Variants in BTBD8 observed in about 807,000 individuals in gnomAD.
BTBD8 encodes the protein BTB/POZ domain-containing protein 8.
A neutral mutation model predicts 162.9 loss-of-function variants in BTBD8; 110 were observed. The observed-to-expected ratio is 0.68, with a 90% CI of 0.58 to 0.79. The LOEUF (loss-of-function observed/expected upper bound fraction) is 0.79. BTBD8 is among the 30% of genes least tolerant of loss of function. The pLI, the probability that BTBD8 is intolerant of heterozygous loss-of-function variation, is 0.00. For synonymous variants in BTBD8, 667 were observed against 716.1 expected (o/e 0.93, Z 1.10); for missense variants, 1,905 against 2,085.4 (o/e 0.91, Z 1.68).
At chr1:92,143,342 G>A (rs1192305419) in intron 7 of BTBD8, among the ~76,000 whole-genome samples, 1 of 151,402 alleles carries the variant, frequency 6.6e-6, no homozygotes, top group Non-Finnish European at 1.5e-5. Context: ...GAGTATATGT[G>A]GGTTTTATGC....
rs562077458 is a variant in BTBD8, at chr1:92,096,085, C to T, written c.348-6388C>T. ...CTCCAAGGCTTACGCAATTCTTGTG[C>T]CTCAGTCTCACAAGTAGCTGGGATT... On this transcript the variant is annotated intron_variant, in intron 2 of 17. Transcript: ENST00000636805. Among the ~76,000 whole-genome samples, 87 of 152,104 alleles carry T rather than the reference C, an allele frequency of 5.7e-4. 1 individual carries two copies. Among genetic ancestry groups the T allele is most frequent in the African/African-American group, 2.0e-3 (85 of 41,494 alleles).
At chr1:92,134,779 G>T (rs1420101897) in intron 5 of BTBD8, among the ~76,000 whole-genome samples, 2 of 152,066 alleles carry the variant, frequency 1.3e-5, no homozygotes, top group African/African-American at 4.8e-5. Context: ...ATGAGTGAAT[G>T]AATGGAGTCT....
chr1:92,182,703 T>G, intron 17 of BTBD8, 108 bp downstream of exon 17: 1 of 592,010 alleles, frequency 1.7e-6, no homozygotes, highest in Non-Finnish European at 2.7e-6. Context: ...GAATAATTAC[T>G]TAAGCAACAG....
chr1:92,124,800 A>G (rs1238711079), intron 4 of BTBD8, among the ~76,000 whole-genome samples: 1 of 152,234 alleles, frequency 6.6e-6, no homozygotes, highest in Non-Finnish European at 1.5e-5. Context: ...TGGTAATTCA[A>G]AAGAAAATAT....
intron 12 of BTBD8, 56 bp from the exon 13 acceptor site, chr1:92,171,343 C>G: frequency 7.7e-7 from 1 of 1,299,516 alleles, no homozygotes; most frequent in South Asian, 1.4e-5. Flanking sequence ...TTTTCCTTTA[C>G]TTCTAAGGTA....
At chr1:92,115,027 C>T (rs1225689224) in intron 4 of BTBD8, 1 of 345,958 alleles carries the variant, frequency 2.9e-6, no homozygotes, top group Admixed American at 3.7e-5. Context: ...TGCTTTACCA[C>T]CTTGATGTCA....
intron 3 of BTBD8, among the ~76,000 whole-genome samples, chr1:92,105,019 G>A (rs891432728): frequency 4.6e-5 from 7 of 150,664 alleles, no homozygotes; most frequent in East Asian, 3.9e-4. Context: ...TGCAACCTCC[G>A]CCTCCCGGGT....
At chr1:92,175,013 G>T (rs1283717276) in intron 13 of BTBD8, among the ~76,000 whole-genome samples, 1 of 152,044 alleles carries the variant, frequency 6.6e-6, no homozygotes, top group African/African-American at 2.4e-5. Context: ...TGCAATATAT[G>T]CCCAGCATTA....
intron 11 of BTBD8, 65 bp downstream of exon 11, chr1:92,168,050 T>C (rs1441218425): frequency 2.1e-6 from 3 of 1,417,088 alleles, no homozygotes; most frequent in Non-Finnish European, 2.9e-6. Flanking sequence ...TAGATGTATG[T>C]GCATTTTAAA....
In BTBD8 at chr1:92,080,450, T is replaced by C. The variant is rs2101885975; in HGVS notation, c.-122T>C. 7.0e-7 allele frequency: 1 copy of C among 1,432,386 alleles called. No individual in the cohort carries two copies. Among genetic ancestry groups the C allele is most frequent in the Non-Finnish European group, 9.3e-7 (1 of 1,073,248 alleles). 88.7% of individuals were successfully genotyped at this position (1,432,386 alleles called of 1,614,324 possible). A position where few individuals can be genotyped will look rare whatever the true frequency, so the allele number is the denominator to read the frequency against. On this transcript the variant is annotated 5_prime_UTR_variant, in exon 1 of 18. Coordinates refer to ENST00000636805, the MANE Select transcript of BTBD8 (RefSeq NM_001376131.1). The stretch of plus-strand genomic sequence containing the variant: ...AAACCGACGAGAGGCGTCAACCTTT[T>C]ACCCTAGGGGGCGGATTTGGGTAGG...
chr1:92,158,341 T>C (rs969535388), intron 9 of BTBD8, among the ~76,000 whole-genome samples: 1 of 145,738 alleles, frequency 6.9e-6, no homozygotes, highest in African/African-American at 2.6e-5. Context: ...CTTTGTGCTT[T>C]ATTTTCTTAA....
At chr1:92,083,144 A>AG (rs1648067099) in intron 1 of BTBD8, among the ~76,000 whole-genome samples, 1 of 152,064 alleles carries the variant, frequency 6.6e-6, no homozygotes, top group African/African-American at 2.4e-5. Context: ...TCAAAAAAAA[A>AG]AAAAAAAAGT....
chr1:92,159,168 T>G (rs1650230962), intron 9 of BTBD8, among the ~76,000 whole-genome samples: 1 of 150,858 alleles, frequency 6.6e-6, no homozygotes, highest in South Asian at 2.1e-4. Context: ...TTTTCTTTCT[T>G]TCTTTCTTTT....
chr1:92,153,561 A>G (rs1650094532), intron 9 of BTBD8, among the ~76,000 whole-genome samples: 1 of 152,162 alleles, frequency 6.6e-6, no homozygotes, highest in Admixed American at 6.5e-5. Flanking sequence ...CCACCATTCC[A>G]TTCTCTGATT....
rs890015151 is a variant in BTBD8 at position 92,184,307 on chromosome 1, C to T, written c.5356C>T (p.Leu1786=). 1.3e-6 allele frequency: 2 copies of T among 1,548,900 alleles called. No individual in the cohort carries two copies. Among genetic ancestry groups the T allele is most frequent in the Non-Finnish European group, 1.7e-6 (2 of 1,145,528 alleles). Residue 1786 remains leucine (L), a synonymous_variant, in exon 18 of 18, where the codon CTG becomes TTG. Coordinates refer to ENST00000636805, the MANE Select transcript of BTBD8 (RefSeq NM_001376131.1). Reference sequence around the variant, plus strand: ...TTCGCCTCAAGGCGAGTGGACAATTCTGGAACTGGAAACTCAGCATTAAGT... The same window carrying T: ...TTCGCCTCAAGGCGAGTGGACAATTTTGGAACTGGAAACTCAGCATTAAGT... ...DCSPQGEWTI[L]ELETQH is the part of the protein sequence containing the mutation.
In BTBD8 at chr1:92,182,487, T is replaced by C. The variant is rs747827379; in HGVS notation, c.4804T>C (p.Ser1602Pro). Reference sequence around the variant, plus strand: ...CAATTCTGACATACCAAAGAACAGCTCTACAAAATCTCTAGACTCCTTTCG... The same window carrying C: ...CAATTCTGACATACCAAAGAACAGCCCTACAAAATCTCTAGACTCCTTTCG... ...EPNSDIPKNSSTKSLDSFRSQ... is the reference protein window; with the variant it reads ...EPNSDIPKNSPTKSLDSFRSQ... The change falls in exon 17 of 18, where the codon TCT (serine) becomes CCT (proline). Residue 1602 changes from serine to proline, a missense_variant. Physicochemically the swap from Ser to Pro is moderately conservative, Grantham distance 74 (BLOSUM62 -1). Around this residue, in one of 3 missense-constraint regions of BTBD8, gnomAD observed 517 missense variants for 606.6 expected, o/e 0.85. Transcript: ENST00000636805. The C allele has an allele frequency of 3.4e-4, 523 of 1,551,170 alleles. No individual in the cohort carries two copies. Among genetic ancestry groups the C allele is most frequent in the Non-Finnish European group, 4.3e-4 (488 of 1,146,784 alleles).
intron 11 of BTBD8, 58 bp from the exon 12 acceptor site, chr1:92,168,808 G>C (rs1650455027): frequency 7.0e-7 from 1 of 1,429,534 alleles, no homozygotes; most frequent in Non-Finnish European, 9.4e-7. Flanking sequence ...AAGGAATAAT[G>C]ACTGGTTGCT....
chr1:92,116,900 A>G (rs1042083255), intron 4 of BTBD8, among the ~76,000 whole-genome samples: 13 of 148,342 alleles, frequency 8.8e-5, no homozygotes, highest in African/African-American at 3.3e-4. Context: ...CCCAGGCTGG[A>G]GTGCAGTGAT....
rs116776590 is a variant in BTBD8 at position 92,140,763 on chromosome 1, A to C, written c.834-352A>C. On this transcript the variant is annotated intron_variant, in intron 6 of 17. Transcript: ENST00000636805. ...GAATTGCCTCCCCGCCCCTGCCAAG[A>C]AACTTTTATTATACAAATTTGTTGC... 8.9e-3 allele frequency among the ~76,000 whole-genome samples: 1,349 copies of C among 152,364 alleles called. 7 individuals are homozygous for C. Among genetic ancestry groups the C allele is most frequent in the Non-Finnish European group, 0.015 (1,003 of 68,036 alleles).
Sources: gnomAD v4.1 joint callset for allele counts (sites outside exome capture counted in the v4.1 genomes callset) on GRCh38, gnomAD v4.1.1 for gene constraint, gnomAD v4.1.1 regional missense constraint, MANE v1.5 for transcripts, NCBI Gene and HGNC (gene_info 2026-07-23, HGNC 2026-07-21) for gene names.